Variants in WASF1 observed in about 807,000 individuals in gnomAD.
WASF1 encodes WASP family member 1, also known as actin-binding protein WASF1.
WASF1 carries 7 observed loss-of-function variants against 50.5 expected under a neutral mutation model. The observed-to-expected ratio is 0.14, with a 90% CI of 0.08 to 0.26. The LOEUF (loss-of-function observed/expected upper bound fraction) is 0.26. WASF1 is among the 10% of genes least tolerant of loss of function. The pLI is 1.00. For missense variants in WASF1, 470 were observed against 694.7 expected (o/e 0.68, Z 3.64); for synonymous variants, 205 against 244.0 (o/e 0.84, Z 1.49).
intron 4 of WASF1, among the ~76,000 whole-genome samples, chr6:110,116,759 A>G (rs1477533977): frequency 6.6e-6 from 1 of 152,086 alleles, no homozygotes; most frequent in East Asian, 1.9e-4. Flanking sequence ...CTGACTGGGG[A>G]ACACCTCCCA....
At position 110,105,645 on chromosome 6, in the gene WASF1, CA is replaced by C. The variant is rs1265001699; in HGVS notation, c.541-67del. Reference sequence around the variant, plus strand: ...CTAATTTTTAAAAAGGAGGTTATAACAATCAAATTAAACTCTAACATCAACA... The same window carrying C: ...CTAATTTTTAAAAAGGAGGTTATAACATCAAATTAAACTCTAACATCAACA... On this transcript the variant is annotated intron_variant, in intron 7 of 10. Transcript: ENST00000392589. 3.6e-5 allele frequency: 53 copies of C among 1,479,502 alleles called. No homozygotes were observed. In the African/African-American group the frequency reaches 6.7e-4, roughly 19 times the overall value. The allele number at this position is 1,479,502 out of a possible 1,614,324, so 91.6% of individuals were successfully genotyped here. A position where few individuals can be genotyped will look rare whatever the true frequency, so the allele number is the denominator to read the frequency against.
intron 3 of WASF1, among the ~76,000 whole-genome samples, chr6:110,133,198 A>T (rs1329469561): frequency 1.3e-5 from 2 of 152,104 alleles, no homozygotes; most frequent in Non-Finnish European, 2.9e-5. Flanking sequence ...GTGCTGCTAT[A>T]TACATACTAC....
At chr6:110,164,859 G>A (rs544125083) in intron 2 of WASF1, among the ~76,000 whole-genome samples, 79 of 151,526 alleles carry the variant, frequency 5.2e-4, no homozygotes, top group African/African-American at 1.8e-3. Context: ...AATATTCAGC[G>A]CTCAAAAGAA....
intron 2 of WASF1, among the ~76,000 whole-genome samples, chr6:110,170,252 T>C (rs1217289452): frequency 6.6e-6 from 1 of 152,060 alleles, no homozygotes; most frequent in Non-Finnish European, 1.5e-5. Flanking sequence ...AAACAGAGGT[T>C]CCTTCCATCA....
intron 3 of WASF1, among the ~76,000 whole-genome samples, chr6:110,135,876 CTTTTTTT>C (rs778710982): frequency 2.8e-4 from 19 of 68,328 alleles, no homozygotes; most frequent in African/African-American, 7.0e-4. Context: ...AGTCCATTAT[CTTTTTTT>C]TTTTTTTTTT....
At chr6:110,114,136 T>C (rs1277086587) in intron 4 of WASF1, among the ~76,000 whole-genome samples, 1 of 152,228 alleles carries the variant, frequency 6.6e-6, no homozygotes, top group Non-Finnish European at 1.5e-5. Context: ...AAATGCTGTT[T>C]GAGCAGTTCT....
At chr6:110,169,676 A>C (rs1005947324) in intron 2 of WASF1, among the ~76,000 whole-genome samples, 2 of 152,148 alleles carry the variant, frequency 1.3e-5, no homozygotes, top group African/African-American at 4.8e-5. Flanking sequence ...CATCTAGAGG[A>C]AGCTTAAGTC....
In WASF1 at chr6:110,114,997, C is replaced by T. The variant is rs193037624; in HGVS notation, c.134-1537G>A. Among the ~76,000 whole-genome samples, 274 of 151,358 alleles carry T rather than the reference C, an allele frequency of 1.8e-3. 2 individuals are homozygous for T. Among genetic ancestry groups the T allele is most frequent in the African/African-American group, 6.4e-3 (265 of 41,198 alleles). On this transcript the variant is annotated intron_variant, in intron 4 of 10. Coordinates refer to ENST00000392589, the MANE Select transcript of WASF1 (RefSeq NM_003931.3). Reference sequence around the variant, plus strand: ...GTCCCAGCTACTTGGGGAGGTGAGGCAGGAGGATCACTTGAGCCTAGGAGG... The same window carrying T: ...GTCCCAGCTACTTGGGGAGGTGAGGTAGGAGGATCACTTGAGCCTAGGAGG...
chr6:110,154,038 C>T (rs1562184976), intron 3 of WASF1, among the ~76,000 whole-genome samples: 1 of 151,942 alleles, frequency 6.6e-6, no homozygotes, highest in African/African-American at 2.4e-5. Flanking sequence ...CTTTGAGTTC[C>T]AAAAGTAAAT....
intron 4 of WASF1, among the ~76,000 whole-genome samples, chr6:110,123,001 C>G (rs756139471): frequency 7.2e-5 from 11 of 152,078 alleles, no homozygotes; most frequent in Non-Finnish European, 1.3e-4. Context: ...AAACCTTGTT[C>G]TACTACTTTC....
At chr6:110,152,665 G>A (rs1404490466) in intron 3 of WASF1, among the ~76,000 whole-genome samples, 2 of 152,134 alleles carry the variant, frequency 1.3e-5, no homozygotes, top group Non-Finnish European at 2.9e-5. Context: ...TTGGACTTCT[G>A]AGTCCCTATG....
chr6:110,147,345 C>CAAA (rs575990346), intron 3 of WASF1, among the ~76,000 whole-genome samples: 1 of 75,040 alleles, frequency 1.3e-5, no homozygotes, highest in Non-Finnish European at 2.9e-5. Flanking sequence ...GACTCCGTCT[C>CAAA]AAAAAAAAAA....
At chr6:110,147,046 T>C (rs1197554611) in intron 3 of WASF1, among the ~76,000 whole-genome samples, 1 of 151,874 alleles carries the variant, frequency 6.6e-6, no homozygotes, top group Non-Finnish European at 1.5e-5. Context: ...AATAAATATA[T>C]AAATAATTAT....
At chr6:110,161,888 A>G (rs1239433524) in intron 2 of WASF1, among the ~76,000 whole-genome samples, 1 of 151,580 alleles carries the variant, frequency 6.6e-6, no homozygotes, top group African/African-American at 2.4e-5. Context: ...AAAGTATTCA[A>G]ATAATATGAT....
chr6:110,136,556 G>A (rs1009275891), intron 3 of WASF1, among the ~76,000 whole-genome samples: 6 of 152,094 alleles, frequency 3.9e-5, no homozygotes, highest in Admixed American at 1.3e-4. Context: ...TCAAGACTAT[G>A]TTATTAGGTA....
In WASF1 at chr6:110,135,944, C is replaced by T. The variant is rs181419610; in HGVS notation, c.-28-8315G>A. On this transcript the variant is annotated intron_variant, in intron 3 of 10. Coordinates refer to ENST00000392589, the MANE Select transcript of WASF1 (RefSeq NM_003931.3). ...TGTCGCCCAGGCTAGAGTGCAGTGG[C>T]GCAATCTCAACTCACTGCAAGCTCC... Among the ~76,000 whole-genome samples the T allele has an allele frequency of 8.6e-3, 1,133 of 131,956 alleles. 7 individuals carry two copies. The highest frequency in any genetic ancestry group is 0.011 in the Non-Finnish European group (720 of 64,958). The allele number at this position is 131,956 out of a possible 152,430, so 86.6% of individuals were successfully genotyped here. A position where few individuals can be genotyped will look rare whatever the true frequency, so the allele number is the denominator to read the frequency against.
chr6:110,165,027 A>T (rs1776416719), intron 2 of WASF1, among the ~76,000 whole-genome samples: 1 of 151,634 alleles, frequency 6.6e-6, no homozygotes. Context: ...AGTGGTTTCC[A>T]GGGGTTAGAA....
At chr6:110,113,835 T>C (rs1773677847) in intron 4 of WASF1, among the ~76,000 whole-genome samples, 1 of 151,854 alleles carries the variant, frequency 6.6e-6, no homozygotes, top group South Asian at 2.1e-4. Flanking sequence ...ATGTAAATAC[T>C]AGACTATTTT....
intron 4 of WASF1, among the ~76,000 whole-genome samples, chr6:110,121,222 A>G (rs1482991395): frequency 1.3e-5 from 2 of 152,214 alleles, no homozygotes; most frequent in Non-Finnish European, 2.9e-5. Flanking sequence ...TGCACAGCAA[A>G]AGCAACTACC....
Sources: gnomAD v4.1 joint callset for allele counts (sites outside exome capture counted in the v4.1 genomes callset) on GRCh38, gnomAD v4.1.1 for gene constraint, MANE v1.5 for transcripts, NCBI Gene and HGNC (gene_info 2026-07-23, HGNC 2026-07-21) for gene names.